Variants in FCRL2 observed in about 807,000 individuals in gnomAD.
FCRL2 encodes the protein Fc receptor-like protein 2.
A neutral mutation model predicts 59.8 loss-of-function variants in FCRL2; 48 were observed. The observed-to-expected ratio is 0.80, with a 90% CI of 0.64 to 1.02. The LOEUF is 1.02. FCRL2 is among the 50% of genes least tolerant of loss of function. The pLI, the probability that FCRL2 is intolerant of heterozygous loss-of-function variation, is 0.00. For missense variants in FCRL2, 658 were observed against 597.3 expected (o/e 1.10, Z -1.06); for synonymous variants, 251 against 229.5 (o/e 1.09, Z -0.85).
intron 2 of FCRL2, 46 bp downstream of exon 2, chr1:157,775,729 A>G: frequency 6.2e-7 from 1 of 1,610,022 alleles, no homozygotes; most frequent in Non-Finnish European, 8.5e-7. Flanking sequence ...TAGTGGGGTG[A>G]CTGATATGCC....
intron 7 of FCRL2, among the ~76,000 whole-genome samples, chr1:157,754,313 C>T (rs765946011): frequency 6.6e-6 from 1 of 152,188 alleles, no homozygotes. Context: ...GTTGCCCTCA[C>T]TGCTACACTC....
chr1:157,760,711 G>GAAAT (rs1648993372), intron 7 of FCRL2, among the ~76,000 whole-genome samples: 2 of 58,068 alleles, frequency 3.4e-5, no homozygotes, highest in Non-Finnish European at 7.3e-5. Flanking sequence ...AAGAAAGAAA[G>GAAAT]AAAGAAAGAA....
chr1:157,748,476 A>ATAAATAAATAAT (rs1194500841), intron 10 of FCRL2, 77 bp downstream of exon 10: 1 of 685,430 alleles, frequency 1.5e-6, no homozygotes, highest in African/African-American at 1.9e-5. Context: ...AAATAAATAA[A>ATAAATAAATAAT]TAAAGCCTCT....
At position 157,769,877 on chromosome 1, in the gene FCRL2, A is replaced by G; in HGVS notation, c.584T>C (p.Ile195Thr). 6.2e-7 allele frequency: 1 copy of G among 1,613,840 alleles called. No homozygotes were observed. The highest frequency in any genetic ancestry group is 8.5e-7 in the Non-Finnish European group (1 of 1,179,786). Residue 195 changes from isoleucine (I) to threonine (T), a missense_variant, in exon 4 of 12, where the codon ATT becomes ACT. By Grantham distance (89) the Ile-to-Thr change is moderately conservative (BLOSUM62 -1). Coordinates refer to ENST00000361516, the MANE Select transcript of FCRL2 (RefSeq NM_030764.4). ...RIRKQSLQSQIHVQRIPISNV... is the reference protein window; with the variant it reads ...RIRKQSLQSQTHVQRIPISNV... ...TCACTGATACTTGCTCTGCACGTGA[A>G]TCTGGGATTGGAGGCTCTGTTTTCT...
At chr1:157,768,745 C>G in intron 4 of FCRL2, 44 bp from the exon 5 acceptor site, 4 of 1,536,438 alleles carry the variant, frequency 2.6e-6, no homozygotes, top group Non-Finnish European at 3.5e-6. Flanking sequence ...AAGGGAAACT[C>G]TGGGAACAGG....
At chr1:157,757,181 A>T (rs1309386876) in intron 7 of FCRL2, among the ~76,000 whole-genome samples, 1 of 152,250 alleles carries the variant, frequency 6.6e-6, no homozygotes, top group African/African-American at 2.4e-5. Context: ...AACAAAAGTG[A>T]CAGATTAGGA....
chr1:157,772,160 T>A (rs1443170150), intron 2 of FCRL2, among the ~76,000 whole-genome samples: 3 of 150,476 alleles, frequency 2.0e-5, no homozygotes, highest in Non-Finnish European at 2.9e-5. Flanking sequence ...GGACTCGGAA[T>A]CAAGCCAACT....
At chr1:157,748,766 T>C in intron 9 of FCRL2, 109 bp downstream of exon 9, 1 of 1,182,792 alleles carries the variant, frequency 8.5e-7, no homozygotes, top group Non-Finnish European at 1.2e-6. Context: ...TGGGAATGGC[T>C]GGGCCTCTGG....
chr1:157,769,799 G>A (rs1649842145), intron 4 of FCRL2, 67 bp downstream of exon 4: 1 of 1,526,718 alleles, frequency 6.5e-7, no homozygotes. Flanking sequence ...AAACAGACTA[G>A]TAGTCCAAGC....
In FCRL2 at chr1:157,769,987, G is replaced by A. The variant is rs1649865865; in HGVS notation, c.474C>T (p.Ser158=). 1 of 1,614,074 alleles carries A rather than the reference G, an allele frequency of 6.2e-7. No individual in the cohort carries two copies. Among genetic ancestry groups the A allele is most frequent in the Non-Finnish European group, 8.5e-7 (1 of 1,180,052 alleles). ...ENQVLGSGWS[S]SPELQISAVW... ...CGGCAGAAATCTGGAGCTCCGGAGA[G>A]CTGCTCCAGCCTGACCCCAGGACCT... The change falls in exon 4 of 12, where the codon AGC becomes AGT. Residue 158 remains serine, a synonymous_variant. Transcript: ENST00000361516.
chr1:157,757,083 G>A (rs1648645361), intron 7 of FCRL2, among the ~76,000 whole-genome samples: 1 of 152,282 alleles, frequency 6.6e-6, no homozygotes, highest in Admixed American at 6.5e-5. Context: ...TCATTTGTCA[G>A]CAAAGAGGTA....
chr1:157,747,648 G>A (rs113447607), intron 10 of FCRL2, among the ~76,000 whole-genome samples: 2 of 152,294 alleles, frequency 1.3e-5, no homozygotes, highest in African/African-American at 4.8e-5. Context: ...TCCATCAGAG[G>A]CAACCAGGAG....
intron 7 of FCRL2, among the ~76,000 whole-genome samples, chr1:157,765,396 A>T (rs1311417597): frequency 6.6e-6 from 1 of 152,226 alleles, no homozygotes; most frequent in Non-Finnish European, 1.5e-5. Context: ...TCCTCAAACC[A>T]TTCCAAAAAA....
intron 2 of FCRL2, among the ~76,000 whole-genome samples, chr1:157,772,086 C>T (rs1176631625): frequency 4.0e-5 from 6 of 150,786 alleles, no homozygotes; most frequent in African/African-American, 1.5e-4. Flanking sequence ...AAACAATTAA[C>T]TTAATTCAAG....
Position 157,770,042 on chromosome 1 carries a change from T to G in FCRL2, c.419A>C (p.Gln140Pro). 6.2e-7 allele frequency: 1 copy of G among 1,614,154 alleles called. No homozygotes were observed. Among genetic ancestry groups the G allele is most frequent in the Non-Finnish European group, 8.5e-7 (1 of 1,180,020 alleles). Residue 140 changes from glutamine (Q) to proline (P), a missense_variant, in exon 4 of 12, where the codon CAA becomes CCA. Transcript: ENST00000361516. Reference protein sequence around the residue: ...TRLSPQRLDVQLQFCFFRENQ... With the variant: ...TRLSPQRLDVPLQFCFFRENQ... Reference sequence around the variant, plus strand: ...TTCTCTGAAGAAGCAGAACTGGAGTTGAACATCCAACCTCTGTGGAGAGAG... The same window carrying G: ...TTCTCTGAAGAAGCAGAACTGGAGTGGAACATCCAACCTCTGTGGAGAGAG...
At chr1:157,751,134 G>A (rs1286321517) in intron 7 of FCRL2, among the ~76,000 whole-genome samples, 1 of 152,094 alleles carries the variant, frequency 6.6e-6, no homozygotes, top group African/African-American at 2.4e-5. Context: ...AACAAAAATA[G>A]AAGGCAATAA....
chr1:157,753,282 C>T (rs1439382394), intron 7 of FCRL2, among the ~76,000 whole-genome samples: 1 of 152,150 alleles, frequency 6.6e-6, no homozygotes, highest in African/African-American at 2.4e-5. Context: ...GTGTGTCCCA[C>T]AAAACTGCCC....
intron 7 of FCRL2, among the ~76,000 whole-genome samples, chr1:157,760,848 A>G (rs1304404764): frequency 6.6e-6 from 1 of 152,208 alleles, no homozygotes; most frequent in East Asian, 1.9e-4. Context: ...ATTTGGTATC[A>G]TGCTGATTAC....
intron 7 of FCRL2, among the ~76,000 whole-genome samples, chr1:157,756,631 T>A (rs6427398): frequency 0.018 from 2,663 of 151,682 alleles, 69 homozygotes; most frequent in African/African-American, 0.06. Flanking sequence ...GTGAGCCATG[T>A]TCATACCACT....
Sources: allele counts gnomAD v4.1 joint callset (sites outside exome capture counted in the v4.1 genomes callset), GRCh38; gene constraint gnomAD v4.1.1; transcripts MANE v1.5; gene names NCBI Gene and HGNC (gene_info 2026-07-23, HGNC 2026-07-21).